HOOK3: variants seen among roughly 807,000 people sequenced by gnomAD.
HOOK3 encodes hook microtubule tethering protein 3.
In HOOK3, 24 loss-of-function variants were observed where a neutral mutation model predicts 116.3. The ratio of observed to expected loss-of-function variants is 0.21; its 90% confidence interval spans 0.15 to 0.29. The LOEUF is 0.29. Among genes scored for constraint, HOOK3 ranks in the 10% least tolerant of loss-of-function variants. HOOK3 has a pLI of 1.00. For synonymous variants in HOOK3, 275 were observed against 283.0 expected (o/e 0.97, Z 0.28); for missense variants, 632 against 830.2 (o/e 0.76, Z 2.93).
intron 11 of HOOK3, among the ~76,000 whole-genome samples, chr8:42,969,612 G>A (rs1186347830): frequency 6.6e-5 from 10 of 152,164 alleles, no homozygotes; most frequent in East Asian, 1.9e-4. Context: ...CTTTTGTGCC[G>A]CATGTGACTC....
intron 19 of HOOK3, among the ~76,000 whole-genome samples, chr8:43,012,247 A>G (rs1408266067): frequency 6.6e-6 from 1 of 152,234 alleles, no homozygotes; most frequent in Non-Finnish European, 1.5e-5. Context: ...GCAAAACTGT[A>G]TGCTATAGTT....
In HOOK3 at chr8:43,023,289, A is replaced by C. The variant is rs1251921830; in HGVS notation, c.*4791A>C. 5.5e-6 allele frequency: 1 copy of C among 181,134 alleles called. No individual in the cohort carries two copies. The highest frequency in any genetic ancestry group is 1.2e-5 in the Non-Finnish European group (1 of 84,834). 11.2% of individuals were successfully genotyped at this position (181,134 alleles called of 1,614,324 possible). On this transcript the variant is annotated 3_prime_UTR_variant, in exon 22 of 22. Transcript: ENST00000307602. Reference sequence around the variant, plus strand: ...GAAGAATGAAAATCCGTGCTGTGCAAATAGATCAGTAGTGAGTGAGTGTTA... The same window carrying C: ...GAAGAATGAAAATCCGTGCTGTGCACATAGATCAGTAGTGAGTGAGTGTTA...
chr8:42,935,444 T>G (rs1807949055), intron 4 of HOOK3, among the ~76,000 whole-genome samples: 2 of 152,186 alleles, frequency 1.3e-5, no homozygotes, highest in Non-Finnish European at 2.9e-5. Flanking sequence ...CTTTTGGTGT[T>G]TTAGTCATGA....
In HOOK3 at chr8:43,024,233, T is replaced by C. The variant is rs1188352133; in HGVS notation, c.*5735T>C. On this transcript the variant is annotated 3_prime_UTR_variant, in exon 22 of 22. Transcript: ENST00000307602. ...TATTCATGAAACTGTAGAAGAATAT[T>C]TTGAGTTTTTATTCTTATATTATGA... 9.9e-6 allele frequency: 2 copies of C among 201,514 alleles called. No homozygotes were observed. The highest frequency in any genetic ancestry group is 4.6e-5 in the African/African-American group (2 of 43,608). 12.5% of individuals were successfully genotyped at this position (201,514 alleles called of 1,614,324 possible).
intron 19 of HOOK3, among the ~76,000 whole-genome samples, chr8:43,011,555 A>G (rs1452671735): frequency 1.3e-5 from 2 of 151,950 alleles, no homozygotes; most frequent in Non-Finnish European, 1.5e-5. Flanking sequence ...CAAGTTTTCT[A>G]TGGGCTTGAA....
intron 13 of HOOK3, 82 bp from the exon 14 acceptor site, chr8:42,982,545 A>T (rs1174333690): frequency 8.9e-6 from 8 of 898,030 alleles, no homozygotes; most frequent in Middle Eastern, 2.2e-4. Context: ...TGTTAAAATT[A>T]ATGCTCAAAG....
intron 5 of HOOK3, among the ~76,000 whole-genome samples, chr8:42,948,541 T>C (rs1233116564): frequency 6.6e-6 from 1 of 152,132 alleles, no homozygotes; most frequent in Non-Finnish European, 1.5e-5. Flanking sequence ...ACCCCTCGAG[T>C]CCACTGTTAT....
At chr8:42,974,426 A>G (rs889948533) in intron 13 of HOOK3, among the ~76,000 whole-genome samples, 1 of 151,554 alleles carries the variant, frequency 6.6e-6, no homozygotes, top group Non-Finnish European at 1.5e-5. Context: ...TTTAGTAGAG[A>G]TGGGGTTTCA....
At chr8:42,977,696 G>A (rs538927852) in intron 13 of HOOK3, among the ~76,000 whole-genome samples, 33 of 151,968 alleles carry the variant, frequency 2.2e-4, no homozygotes, top group African/African-American at 5.3e-4. Flanking sequence ...GCAAAACTCC[G>A]CCTCTACTAA....
Position 42,986,670 on chromosome 8 carries a change from T to C in HOOK3, c.1407T>C (p.Arg469=), listed in dbSNP as rs767556033. Residue 469 remains arginine (R), a synonymous_variant, in exon 15 of 22, where the codon CGT becomes CGC. Coordinates refer to ENST00000307602, the MANE Select transcript of HOOK3 (RefSeq NM_032410.4). ...GTTCATTCAGGGAGAAACTTATTCG[T>C]CTTCAGCATGAGAATAAGATGTTAA... ...VTPEIREKLI[R]LQHENKMLKL... 2 of 1,611,628 alleles carry C rather than the reference T, an allele frequency of 1.2e-6. No individual in the cohort carries two copies. Among genetic ancestry groups the C allele is most frequent in the Non-Finnish European group, 1.7e-6 (2 of 1,179,092 alleles).
intron 13 of HOOK3, among the ~76,000 whole-genome samples, chr8:42,976,978 T>C (rs1331354096): frequency 1.3e-5 from 2 of 152,222 alleles, no homozygotes; most frequent in Non-Finnish European, 1.5e-5. Context: ...AATCAGGGAC[T>C]CTGGGGACAT....
At chr8:42,988,455 T>G (rs1201338425) in intron 15 of HOOK3, among the ~76,000 whole-genome samples, 1 of 152,214 alleles carries the variant, frequency 6.6e-6, no homozygotes, top group Non-Finnish European at 1.5e-5. Flanking sequence ...GTTGCTCTTT[T>G]TCCCAGAGAC....
At chr8:42,939,582 C>A (rs1392944034) in intron 4 of HOOK3, among the ~76,000 whole-genome samples, 1 of 143,914 alleles carries the variant, frequency 6.9e-6, no homozygotes, top group East Asian at 2.0e-4. Flanking sequence ...CTGACCCCCC[C>A]ACCTCCCTCC....
rs921339694 is a variant in HOOK3, at chr8:42,997,082, A to G, written c.1533-468A>G. Among the ~76,000 whole-genome samples, 8 of 151,656 alleles carry G rather than the reference A, an allele frequency of 5.3e-5. No homozygotes were observed. In the South Asian group the frequency reaches 8.3e-4, roughly 16 times the overall value. On this transcript the variant is annotated intron_variant, in intron 15 of 21. Coordinates refer to ENST00000307602, the MANE Select transcript of HOOK3 (RefSeq NM_032410.4). ...ACCACCATGCCTGGCTAATTTTTCT[A>G]TTTTTGGTAGAGATGGAGTTTCACC...
intron 15 of HOOK3, among the ~76,000 whole-genome samples, chr8:42,997,252 C>CT (rs1190871873): frequency 2.6e-5 from 4 of 152,128 alleles, no homozygotes; most frequent in African/African-American, 9.7e-5. Context: ...GAGACATAGT[C>CT]TTCATAAACA....
At chr8:43,002,422 C>A (rs1244500674) in intron 17 of HOOK3, among the ~76,000 whole-genome samples, 1 of 152,166 alleles carries the variant, frequency 6.6e-6, no homozygotes, top group African/African-American at 2.4e-5. Flanking sequence ...GGGTCAGACA[C>A]CTCTTTCTAT....
chr8:42,972,241 G>A (rs1326304459), intron 11 of HOOK3, among the ~76,000 whole-genome samples: 1 of 151,926 alleles, frequency 6.6e-6, no homozygotes, highest in African/African-American at 2.4e-5. Flanking sequence ...TTGTTTCTGT[G>A]GTCAATATGT....
intron 4 of HOOK3, among the ~76,000 whole-genome samples, chr8:42,931,580 T>C (rs1807873967): frequency 6.6e-6 from 1 of 151,218 alleles, no homozygotes; most frequent in South Asian, 2.1e-4. Context: ...TACAGGTGCC[T>C]GCCACCATGC....
intron 2 of HOOK3, among the ~76,000 whole-genome samples, chr8:42,919,986 A>G (rs1372196972): frequency 2.0e-5 from 3 of 151,850 alleles, no homozygotes; most frequent in African/African-American, 7.3e-5. Context: ...CATTTGACAT[A>G]AGACAATATA....
Sources: gnomAD v4.1 joint callset for allele counts (sites outside exome capture counted in the v4.1 genomes callset) on GRCh38, gnomAD v4.1.1 for gene constraint, MANE v1.5 for transcripts, NCBI Gene and HGNC (gene_info 2026-07-23, HGNC 2026-07-21) for gene names.